SLC35E1: variants seen among roughly 807,000 people sequenced by gnomAD.
SLC35E1 encodes solute carrier family 35, member E1.
SLC35E1 carries 12 observed loss-of-function variants against 31.0 expected under a neutral mutation model. The ratio of observed to expected loss-of-function variants is 0.39; its 90% CI spans 0.25 to 0.63. SLC35E1 has a LOEUF of 0.63. SLC35E1 is among the 20% of genes least tolerant of loss of function. The probability of loss-of-function intolerance (pLI) is 0.52; values close to 1 mark genes in which losing one functional copy is unlikely to be tolerated. For synonymous variants in SLC35E1, 257 were observed against 264.1 expected, an observed-to-expected ratio of 0.97 and a Z score of 0.26; for missense variants, 429 against 572.2, an observed-to-expected ratio of 0.75 and a Z score of 2.55.
In SLC35E1 at chr19:16,553,540, G is replaced by C; in HGVS notation, c.*139C>G. On this transcript the variant is annotated 3_prime_UTR_variant, in exon 6 of 6. Transcript: ENST00000595753. ...TCCTCCTGCGGCTCACGGGGGGCCAGGAACCCCAGGGCTTCTGATGGAGAG... is the reference window on the plus strand; with the variant it reads ...TCCTCCTGCGGCTCACGGGGGGCCACGAACCCCAGGGCTTCTGATGGAGAG... 1.3e-6 allele frequency: 1 copy of C among 786,714 alleles called. No homozygotes were observed. Among genetic ancestry groups the C allele is most frequent in the Non-Finnish European group, 1.8e-6 (1 of 541,090 alleles). The allele number at this position is 786,714 out of a possible 1,614,324, so 48.7% of individuals were successfully genotyped here.
At chr19:16,557,010 T>A in intron 4 of SLC35E1, 1 of 471,074 alleles carries the variant, frequency 2.1e-6, no homozygotes. Flanking sequence ...GATGCCTTCA[T>A]GTTGGGCCAG....
chr19:16,556,571 G>C (rs1329408164), intron 4 of SLC35E1, among the ~76,000 whole-genome samples: 1 of 152,164 alleles, frequency 6.6e-6, no homozygotes, highest in Non-Finnish European at 1.5e-5. Flanking sequence ...CTGACTAAGG[G>C]ATCCAGAAAT....
chr19:16,563,429 T>C (rs975478245), intron 4 of SLC35E1, among the ~76,000 whole-genome samples: 5 of 152,162 alleles, frequency 3.3e-5, no homozygotes, highest in African/African-American at 1.2e-4. Flanking sequence ...TGCAAAAATA[T>C]GGAACAGGTG....
chr19:16,569,566 C>T (rs968970762), intron 2 of SLC35E1, among the ~76,000 whole-genome samples: 1 of 152,214 alleles, frequency 6.6e-6, no homozygotes, highest in African/African-American at 2.4e-5. Context: ...TTCTGACTCT[C>T]GGCTCAATCC....
chr19:16,561,789 A>C (rs2085907716), intron 4 of SLC35E1, among the ~76,000 whole-genome samples: 1 of 152,234 alleles, frequency 6.6e-6, no homozygotes, highest in African/African-American at 2.4e-5. Context: ...CAAGACAAAG[A>C]GGGGGAACCC....
At chr19:16,556,633 T>C (rs2085876281) in intron 4 of SLC35E1, among the ~76,000 whole-genome samples, 1 of 152,186 alleles carries the variant, frequency 6.6e-6, no homozygotes, top group Admixed American at 6.5e-5. Flanking sequence ...CCAAAGAGCC[T>C]AGGCTGGTCC....
Position 16,566,622 on chromosome 19 carries a change from CA to C in SLC35E1, c.665del (p.Leu222ArgfsTer13), listed in dbSNP as rs1568274569. The C allele has an allele frequency of 1.9e-6, 3 of 1,612,566 alleles. No homozygotes were observed. The Admixed American group carries it at 5.0e-5, about 27-fold the overall frequency. On this transcript the variant is annotated frameshift_variant, in exon 4 of 6. Coordinates refer to ENST00000595753, the MANE Select transcript of SLC35E1 (RefSeq NM_024881.5). LOFTEE classifies it high-confidence loss of function. Reference sequence around the variant, plus strand: ...CGGCGTGGCAGCCCAGGATGTTGAGCAGCCGGAGATGGTGGATCCGTGAATC... The same window carrying C: ...CGGCGTGGCAGCCCAGGATGTTGAGCGCCGGAGATGGTGGATCCGTGAATC... Reference protein sequence around the residue: ...LRDSRIHHLRLLNILGCHAVF... With the variant: ...LRDSRIHHLRXLNILGCHAVF...
intron 4 of SLC35E1, among the ~76,000 whole-genome samples, chr19:16,564,665 G>A (rs2085923048): frequency 6.6e-6 from 1 of 152,092 alleles, no homozygotes; most frequent in East Asian, 1.9e-4. Flanking sequence ...ACACATAAAA[G>A]TTCACAATGA....
intron 5 of SLC35E1, among the ~76,000 whole-genome samples, chr19:16,554,834 A>AG (rs2122323023): frequency 6.6e-6 from 1 of 151,458 alleles, no homozygotes; most frequent in South Asian, 2.1e-4. Flanking sequence ...AAAAAAAAAA[A>AG]AAAAAAGAAA....
At chr19:16,563,575 G>A (rs184082572) in intron 4 of SLC35E1, among the ~76,000 whole-genome samples, 162 of 152,100 alleles carry the variant, frequency 1.1e-3, no homozygotes, top group African/African-American at 3.7e-3. Context: ...GTGCAGTGTC[G>A]TGATCTCAGC....
chr19:16,567,011 C>T (rs1239571682), intron 3 of SLC35E1, among the ~76,000 whole-genome samples: 2 of 152,190 alleles, frequency 1.3e-5, no homozygotes, highest in Non-Finnish European at 2.9e-5. Flanking sequence ...GTTTCATACC[C>T]TCTAACCTGA....
intron 4 of SLC35E1, chr19:16,557,103 T>C (rs2085878701): frequency 2.6e-6 from 1 of 382,562 alleles, no homozygotes; most frequent in South Asian, 1.9e-5. Context: ...GATATCTATC[T>C]TCTGGGAAGG....
chr19:16,567,099 A>G (rs985028060), intron 3 of SLC35E1, among the ~76,000 whole-genome samples: 10 of 152,250 alleles, frequency 6.6e-5, no homozygotes, highest in African/African-American at 2.4e-4. Flanking sequence ...TTACAATGAA[A>G]AGTTGGAAAT....
chr19:16,568,051 T>G lies in SLC35E1; in HGVS notation c.611A>C (p.Gln204Pro). ...AAATACCTTTTTGGAGAAAATGTTCTGAAGCGAGAAGCACAGCGTGGCGGC... is the reference window on the plus strand; with the variant it reads ...AAATACCTTTTTGGAGAAAATGTTCGGAAGCGAGAAGCACAGCGTGGCGGC... The part of the protein sequence containing the change: ...ALAATLCFSL[Q>P]NIFSKKVLRD... Residue 204 changes from glutamine to proline, a missense_variant, in exon 3 of 6, where the codon CAG becomes CCG. Coordinates refer to ENST00000595753, the MANE Select transcript of SLC35E1 (RefSeq NM_024881.5). 1 of 1,612,406 alleles carries G rather than the reference T, an allele frequency of 6.2e-7. No homozygotes were observed. Among genetic ancestry groups the G allele is most frequent in the East Asian group, 2.2e-5 (1 of 44,710 alleles).
At chr19:16,566,342 C>A (rs535145497) in intron 4 of SLC35E1, 190 bp downstream of exon 4, 78 of 707,278 alleles carry the variant, frequency 1.1e-4, no homozygotes, top group Non-Finnish European at 1.6e-4. Context: ...AGGAAATACA[C>A]AGGAAACCCA....
chr19:16,562,333 G>A (rs8101092), intron 4 of SLC35E1, among the ~76,000 whole-genome samples: 7,948 of 152,250 alleles, frequency 0.052, 289 homozygotes, highest in South Asian at 0.064. Flanking sequence ...CTTCTATGTC[G>A]TTATGAAGAG....
At chr19:16,562,616 A>G (rs1397033095) in intron 4 of SLC35E1, among the ~76,000 whole-genome samples, 1 of 62,302 alleles carries the variant, frequency 1.6e-5, no homozygotes, top group Non-Finnish European at 3.1e-5. Flanking sequence ...CTTATTCTTT[A>G]TTATAGTATT....
At chr19:16,558,340 G>A (rs1226093572) in intron 4 of SLC35E1, among the ~76,000 whole-genome samples, 5 of 149,898 alleles carry the variant, frequency 3.3e-5, no homozygotes, top group East Asian at 2.0e-4. Context: ...CACCACACCC[G>A]GCCTATTTTT....
chr19:16,562,321 G>A (rs897305760), intron 4 of SLC35E1, among the ~76,000 whole-genome samples: 2 of 152,146 alleles, frequency 1.3e-5, no homozygotes, highest in African/African-American at 4.8e-5. Context: ...AATGAGAAAG[G>A]CCTTCTATGT....
Sources: allele counts gnomAD v4.1 joint callset (sites outside exome capture counted in the v4.1 genomes callset), GRCh38; gene constraint gnomAD v4.1.1; transcripts MANE v1.5; gene names NCBI Gene and HGNC (gene_info 2026-07-23, HGNC 2026-07-21).